The following MYO1H variants were observed in gnomAD, a reference collection of about 807,000 sequenced individuals.
MYO1H encodes myosin IH.
Under a neutral mutation model 149.3 loss-of-function variants are expected in MYO1H, and 118 were observed. That is an observed-to-expected ratio of 0.79 (90% CI 0.68 to 0.92). The LOEUF (loss-of-function observed/expected upper bound fraction) is 0.92, where lower values mean the gene tolerates loss of function less well. Among genes scored for constraint, MYO1H ranks in the 40% least tolerant of loss-of-function variants. MYO1H has a pLI of 0.00. For missense variants in MYO1H, 1,212 were observed against 1,280.7 expected (o/e 0.95, Z 0.82); for synonymous variants, 447 against 465.2 (o/e 0.96, Z 0.50).
In MYO1H at chr12:109,411,879, CTT is replaced by C. The variant is rs774267095; in HGVS notation, c.1411-11_1411-10del. 17 of 1,585,230 alleles carry C rather than the reference CTT, an allele frequency of 1.1e-5. No individual in the cohort carries two copies. Among genetic ancestry groups the C allele is most frequent in the Non-Finnish European group, 1.5e-5 (17 of 1,164,404 alleles). On this transcript the variant is annotated splice_polypyrimidine_tract_variant and intron_variant, in intron 13 of 31. Transcript: ENST00000310903. Reference sequence around the variant, plus strand: ...TGTGGTGCTGTGGATTGAGGCTTCTCTTTTTCTTTTGAAGGATGAAGAATGCA... The same window carrying C: ...TGTGGTGCTGTGGATTGAGGCTTCTCTTTCTTTTGAAGGATGAAGAATGCA...
chr12:109,364,199 G>T (rs950715221), intron 1 of MYO1H, among the ~76,000 whole-genome samples: 5 of 108,134 alleles, frequency 4.6e-5, no homozygotes, highest in Non-Finnish European at 1.0e-4. Flanking sequence ...AAAAAAAAAA[G>T]AAGTGGGAAC....
chr12:109,410,762 T>C (rs7315991), exon 13 of MYO1H: 742,248 of 1,563,182 alleles, frequency 0.47, 180,942 homozygotes, highest in African/African-American at 0.69. Context: ...GAATCATATC[T>C]ATTCTGGTGA....
intron 19 of MYO1H, among the ~76,000 whole-genome samples, chr12:109,432,247 G>A (rs1310548279): frequency 3.3e-5 from 5 of 151,888 alleles, no homozygotes; most frequent in Admixed American, 1.3e-4. Context: ...CTTGTGATCC[G>A]CCCGCCTCGG....
In MYO1H at chr12:109,393,435, G is replaced by T. The variant is rs544655209; in HGVS notation, c.279G>T (p.Leu93=). 3.2e-6 allele frequency: 5 copies of T among 1,575,800 alleles called. No homozygotes were observed. In the South Asian group the frequency reaches 4.6e-5, roughly 15 times the overall value. Reference sequence around the variant, plus strand: ...ATCAAGGGGTCAATTTCTTTGAACTGCCACCACATGTGTAAGTAGCATCCA... The same window carrying T: ...ATCAAGGGGTCAATTTCTTTGAACTTCCACCACATGTGTAAGTAGCATCCA... Residue 93 remains leucine, a synonymous_variant, in exon 3 of 32, where the codon CTG becomes CTT. Transcript: ENST00000310903.
intron 5 of MYO1H, among the ~76,000 whole-genome samples, chr12:109,400,300 C>G (rs1308031943): frequency 6.6e-6 from 1 of 152,166 alleles, no homozygotes; most frequent in Non-Finnish European, 1.5e-5. Flanking sequence ...TTCTTACCAG[C>G]AAAGCAGTGT....
At position 109,435,024 on chromosome 12, in the gene MYO1H, T is replaced by G. The variant is rs1234221300; in HGVS notation, c.2064-13T>G. On this transcript the variant is annotated splice_polypyrimidine_tract_variant and intron_variant, in intron 20 of 31. Transcript: ENST00000310903. Reference sequence around the variant, plus strand: ...GACCAATTAATAACAAAAACATTTCTTTTCACTTCTAGAACCAAAATATTC... The same window carrying G: ...GACCAATTAATAACAAAAACATTTCGTTTCACTTCTAGAACCAAAATATTC... 6.0e-5 allele frequency: 96 copies of G among 1,588,644 alleles called. No individual in the cohort carries two copies. Among genetic ancestry groups the G allele is most frequent in the Non-Finnish European group, 8.0e-5 (93 of 1,165,668 alleles).
chr12:109,409,937 G>T (rs1305158970), intron 11 of MYO1H, 26 bp from the exon 12 acceptor site: 2 of 1,299,922 alleles, frequency 1.5e-6, no homozygotes, highest in Non-Finnish European at 1.1e-6. Context: ...TATAACTTTA[G>T]TTACTTAAAT....
At position 109,440,945 on chromosome 12, in the gene MYO1H, C is replaced by T. The variant is rs928586863; in HGVS notation, c.2538+118C>T. 4.8e-5 allele frequency: 35 copies of T among 736,742 alleles called. No individual in the cohort carries two copies. The East Asian group carries it at 9.3e-4, about 20-fold the overall frequency. 45.6% of individuals were successfully genotyped at this position (736,742 alleles called of 1,614,324 possible). On this transcript the variant is annotated intron_variant, in intron 25 of 31. Transcript: ENST00000310903. ...AAGCGGGGGTCATGCTAGTCCCATG[C>T]TTTGAAATGTTCAAGATAATTGCAG...
At chr12:109,411,468 A>G (rs537772489) in intron 13 of MYO1H, among the ~76,000 whole-genome samples, 1 of 152,386 alleles carries the variant, frequency 6.6e-6, no homozygotes, top group South Asian at 2.1e-4. Context: ...AGGAAATAGA[A>G]AAATGAACTT....
At chr12:109,335,354 G>C in the MYO1H span, among the ~76,000 whole-genome samples, 3 of 152,032 alleles carry the variant, frequency 2.0e-5, no homozygotes, top group African/African-American at 7.2e-5. Context: ...ACTAGAGCTC[G>C]TGAGAACTAT....
rs202151462 is a variant in MYO1H, at chr12:109,443,566, G to A, written c.2741G>A (p.Arg914Gln). ...AGAAAAGGCTTCAAAGCACGGCAGC[G>A]GCAACTCATTCTTACTCAGAAAGCA... Residue 914 changes from arginine to glutamine, a missense_variant, in exon 28 of 32, where the codon CGG becomes CAG. Transcript: ENST00000310903. The A allele has an allele frequency of 9.9e-4, 1,603 of 1,613,654 alleles. 1 individual carries two copies. Among genetic ancestry groups the A allele is most frequent in the Non-Finnish European group, 1.2e-3 (1,464 of 1,179,838 alleles).
chr12:109,426,261 A>G (rs1028884691), intron 18 of MYO1H, among the ~76,000 whole-genome samples: 1 of 152,212 alleles, frequency 6.6e-6, no homozygotes, highest in South Asian at 2.1e-4. Flanking sequence ...AGGCAGGCGG[A>G]TCACTTGAAC....
intron 14 of MYO1H, 135 bp downstream of exon 14, chr12:109,412,120 A>G (rs1052009849): frequency 2.6e-5 from 15 of 585,852 alleles, no homozygotes; most frequent in Non-Finnish European, 4.4e-5. Context: ...CCACTCATAG[A>G]TGTGCCAGAC....
the MYO1H span, among the ~76,000 whole-genome samples, chr12:109,312,380 T>TG: frequency 1.3e-5 from 2 of 149,430 alleles, no homozygotes; most frequent in Non-Finnish European, 3.0e-5. Context: ...GCCCAGCTAA[T>TG]TTTTTGTTTT....
the MYO1H span, among the ~76,000 whole-genome samples, chr12:109,323,885 G>A: frequency 1.3e-5 from 2 of 152,084 alleles, no homozygotes; most frequent in Non-Finnish European, 2.9e-5. Context: ...AATTCAGAAA[G>A]TGTATAATGG....
upstream of MYO1H, chr12:109,347,861 G>C: frequency 2.5e-6 from 1 of 398,814 alleles, no homozygotes; most frequent in African/African-American, 2.1e-5. Flanking sequence ...ATACCTTGTT[G>C]CTGGATGTCA....
chr12:109,419,312 G>A (rs1011143953), intron 15 of MYO1H, among the ~76,000 whole-genome samples: 3 of 152,084 alleles, frequency 2.0e-5, no homozygotes, highest in Non-Finnish European at 2.9e-5. Flanking sequence ...ATGTGGTGGG[G>A]CGGGGGCATC....
At chr12:109,417,564 T>TGATG (rs1311766677) in intron 15 of MYO1H, among the ~76,000 whole-genome samples, 1 of 152,064 alleles carries the variant, frequency 6.6e-6, no homozygotes, top group African/African-American at 2.4e-5. Flanking sequence ...ACCGACCTCG[T>TGATG]GATGCACCCA....
At chr12:109,313,088 A>G in the MYO1H span, among the ~76,000 whole-genome samples, 26 of 152,126 alleles carry the variant, frequency 1.7e-4, no homozygotes, top group Admixed American at 6.5e-5. Context: ...AAAAAAATAA[A>G]CAAAAAATTA....
Sources: allele counts gnomAD v4.1 joint callset (sites outside exome capture counted in the v4.1 genomes callset), GRCh38; gene constraint gnomAD v4.1.1; transcripts MANE v1.5; gene names NCBI Gene and HGNC (gene_info 2026-07-23, HGNC 2026-07-21).